The following OVCH2 variants were observed in gnomAD, a reference collection of about 807,000 sequenced individuals.
OVCH2 encodes ovochymase 2.
In OVCH2, 88 loss-of-function variants were observed where a neutral mutation model predicts 73.7. That is an observed-to-expected ratio of 1.19 (90% confidence interval 1.01 to 1.43). The LOEUF (loss-of-function observed/expected upper bound fraction) is 1.43, where lower values mean the gene tolerates loss of function less well. Ranked by LOEUF, OVCH2 falls within the 40% of genes most tolerant of loss-of-function variation. The pLI is 0.00. For missense variants in OVCH2, 706 were observed against 674.5 expected (o/e 1.05, Z -0.52); for synonymous variants, 265 against 234.5 (o/e 1.13, Z -1.19).
At chr11:7,679,603 C>A in the OVCH2 span, among the ~76,000 whole-genome samples, 1 of 152,182 alleles carries the variant, frequency 6.6e-6, no homozygotes, top group Non-Finnish European at 1.5e-5. Context: ...TTCCCCTTCA[C>A]CCTCTGACAT....
At chr11:7,683,581 T>A in the OVCH2 span, among the ~76,000 whole-genome samples, 1 of 152,214 alleles carries the variant, frequency 6.6e-6, no homozygotes, top group Non-Finnish European at 1.5e-5. Context: ...TTACAATGAT[T>A]TCAGGTCCTG....
At chr11:7,701,631 A>T in intron 5 of OVCH2, 85 bp downstream of exon 5, 4 of 1,490,206 alleles carry the variant, frequency 2.7e-6, no homozygotes, top group Non-Finnish European at 3.7e-6. Context: ...ATCGATTTTT[A>T]AAAATGGATT....
chr11:7,695,171 A>G lies in OVCH2; in HGVS notation c.1300T>C (p.Leu434=), dbSNP rs769899812. The G allele has an allele frequency of 6.4e-6, 10 of 1,559,310 alleles. No homozygotes were observed. The African/African-American group carries it at 1.2e-4, about 19-fold the overall frequency. ...NYIPDSGCSY[L]TVLFEEGLIQ... ...AGACCTTCTTCAAAAAGGACAGTTA[A>G]GTAACTGCAACCTGAATCTGAAACG... The change falls in exon 12 of 16, where the codon TTA becomes CTA. Residue 434 remains leucine (L), a synonymous_variant. Transcript: ENST00000533663.
chr11:7,696,434 T>C (rs886078100), intron 10 of OVCH2, 31 bp downstream of exon 10: 1 of 1,613,394 alleles, frequency 6.2e-7, no homozygotes, highest in East Asian at 2.2e-5. Context: ...TTGGCACTGG[T>C]TTCCATTTGA....
intron 5 of OVCH2, 81 bp downstream of exon 5, chr11:7,701,635 A>C (rs1856440497): frequency 6.7e-7 from 1 of 1,494,282 alleles, no homozygotes; most frequent in Admixed American, 2.0e-5. Context: ...ATTTTTAAAA[A>C]TGGATTAAAA....
At chr11:7,693,747 T>C (rs985216672) in intron 12 of OVCH2, among the ~76,000 whole-genome samples, 2 of 152,218 alleles carry the variant, frequency 1.3e-5, no homozygotes, top group Admixed American at 6.5e-5. Flanking sequence ...TTCCCACTCA[T>C]TCATAAAACC....
intron 8 of OVCH2, chr11:7,697,069 A>C: frequency 4.5e-6 from 2 of 442,046 alleles, no homozygotes; most frequent in South Asian, 2.8e-5. Flanking sequence ...CAGGGCCTCA[A>C]TCTCTCACCG....
rs370165377 is a variant in OVCH2, at chr11:7,703,787, T to C, written c.201A>G (p.Val67=). ...TATGCTTCTGCCTTTGTTTCAGAGA[T>C]ACCTAAATTGCAAATACCTTAAATG... ...QVEKGSYPWQ[V]SLKQRQKHIC... is the part of the protein sequence containing the mutation. The change falls in exon 3 of 16, where the codon GTA becomes GTG. Residue 67 remains valine, a splice_region_variant and synonymous_variant. Coordinates refer to ENST00000533663, the MANE Select transcript of OVCH2 (RefSeq NM_198185.7). 211 of 1,603,104 alleles carry C rather than the reference T, an allele frequency of 1.3e-4. No individual in the cohort carries two copies. Among genetic ancestry groups the C allele is most frequent in the Non-Finnish European group, 1.7e-4 (198 of 1,174,504 alleles).
chr11:7,703,736 T>C lies in OVCH2; in HGVS notation c.252A>G (p.Pro84=), dbSNP rs765009377. 9 of 1,610,906 alleles carry C rather than the reference T, an allele frequency of 5.6e-6. No homozygotes were observed. The Admixed American group carries it at 1.2e-4, about 21-fold the overall frequency. The change falls in exon 3 of 16, where the codon CCA becomes CCG. Residue 84 remains proline, a synonymous_variant. Coordinates refer to ENST00000533663, the MANE Select transcript of OVCH2 (RefSeq NM_198185.7). ...KHICGGSIVS[P]QWVITAAHCI... is the part of the protein sequence containing the mutation. ...AGTGAGCCGCCGTGATCACCCACTG[T>C]GGTGAGACGATGCTTCCTCCACAAA...
downstream of OVCH2, among the ~76,000 whole-genome samples, chr11:7,685,945 T>C (rs1014091458): frequency 2.0e-5 from 3 of 152,076 alleles, no homozygotes; most frequent in African/African-American, 7.2e-5. Context: ...GGAAAACAGA[T>C]CCAAAGGCCA....
At chr11:7,686,001 A>T (rs1381934117), downstream of OVCH2, among the ~76,000 whole-genome samples, 4 of 152,202 alleles carry the variant, frequency 2.6e-5, no homozygotes, top group African/African-American at 9.6e-5. Context: ...CTGAATTTGA[A>T]ATCTACCTGC....
Position 7,694,923 on chromosome 11 carries a change from G to A in OVCH2, c.1413+135C>T, listed in dbSNP as rs544267992. On this transcript the variant is annotated intron_variant, in intron 12 of 15. Coordinates refer to ENST00000533663, the MANE Select transcript of OVCH2 (RefSeq NM_198185.7). Reference sequence around the variant, plus strand: ...TCAGCAAGTATTTATTGACAGCTTTGTGTGTCAGGTGCTGGGTTCTAGGTA... The same window carrying A: ...TCAGCAAGTATTTATTGACAGCTTTATGTGTCAGGTGCTGGGTTCTAGGTA... 1.6e-3 allele frequency: 1,525 copies of A among 946,882 alleles called. 7 individuals are homozygous for A. The highest frequency in any genetic ancestry group is 2.0e-3 in the Non-Finnish European group (1,324 of 668,828). The allele number at this position is 946,882 out of a possible 1,614,324, so 58.7% of individuals were successfully genotyped here.
At chr11:7,688,922 A>G (rs1455955599), downstream of OVCH2, among the ~76,000 whole-genome samples, 2 of 152,230 alleles carry the variant, frequency 1.3e-5, no homozygotes, top group Non-Finnish European at 1.5e-5. Context: ...CACAGAAAGT[A>G]GTCATTGCCA....
intron 10 of OVCH2, among the ~76,000 whole-genome samples, 183 bp from the exon 11 acceptor site, chr11:7,695,893 T>G (rs1856323201): frequency 6.6e-6 from 1 of 152,224 alleles, no homozygotes; most frequent in African/African-American, 2.4e-5. Context: ...CTGCATCTTT[T>G]GTAGGATATT....
At chr11:7,686,390 C>G (rs11826932), downstream of OVCH2, among the ~76,000 whole-genome samples, 361 of 152,302 alleles carry the variant, frequency 2.4e-3, 3 homozygotes, top group African/African-American at 8.3e-3. Flanking sequence ...TATTATCAAT[C>G]TTACATAAGT....
At chr11:7,682,504 C>T in the OVCH2 span, among the ~76,000 whole-genome samples, 1 of 152,196 alleles carries the variant, frequency 6.6e-6, no homozygotes, top group South Asian at 2.1e-4. Flanking sequence ...CTTTGCACAG[C>T]CTGCAGTTTG....
the OVCH2 span, among the ~76,000 whole-genome samples, chr11:7,682,185 G>T: frequency 6.6e-6 from 1 of 152,150 alleles, no homozygotes; most frequent in African/African-American, 2.4e-5. Context: ...AAACAATTTA[G>T]TTTGGAGAAG....
At chr11:7,697,029 TTTTTA>T (rs200627706) in intron 8 of OVCH2, 7,667 of 528,006 alleles carry the variant, frequency 0.015, 134 homozygotes, top group African/African-American at 0.053. Flanking sequence ...CTTCTCTCTC[TTTTTA>T]TTTTATTTTA....
At chr11:7,681,575 A>G in the OVCH2 span, among the ~76,000 whole-genome samples, 1 of 152,202 alleles carries the variant, frequency 6.6e-6, no homozygotes, top group South Asian at 2.1e-4. Flanking sequence ...AGCTATGTGT[A>G]CAGAGCTGTG....
Sources: gnomAD v4.1 joint callset for allele counts (sites outside exome capture counted in the v4.1 genomes callset) on GRCh38, gnomAD v4.1.1 for gene constraint, MANE v1.5 for transcripts, NCBI Gene and HGNC (gene_info 2026-07-23, HGNC 2026-07-21) for gene names.